Variants in WDR7 observed in about 807,000 individuals in gnomAD.
WDR7 encodes WD repeat-containing protein 7.
Under a neutral mutation model 169.4 loss-of-function variants are expected in WDR7, and 46 were observed. That is an observed-to-expected ratio of 0.27 (90% confidence interval 0.21 to 0.35). The LOEUF (loss-of-function observed/expected upper bound fraction) is 0.35. Among genes scored for constraint, WDR7 ranks in the 10% least tolerant of loss-of-function variants. The probability of loss-of-function intolerance (pLI) is 1.00; values close to 1 mark genes in which losing one functional copy is unlikely to be tolerated. For synonymous variants in WDR7, 612 were observed against 666.8 expected (o/e 0.92, Z 1.27); for missense variants, 1,534 against 1,859.3 (o/e 0.83, Z 3.22).
At chr18:56,728,029 C>T (rs141125185) in intron 13 of WDR7, among the ~76,000 whole-genome samples, 4 of 152,244 alleles carry the variant, frequency 2.6e-5, no homozygotes, top group East Asian at 3.9e-4. Context: ...TCTGGCCAGT[C>T]GTTTTATAAA....
At chr18:56,838,635 A>G (rs552897707) in intron 20 of WDR7, among the ~76,000 whole-genome samples, 17 of 152,304 alleles carry the variant, frequency 1.1e-4, no homozygotes, top group Admixed American at 9.1e-4. Flanking sequence ...TTTGCTGTAT[A>G]TACTCAAAGC....
At chr18:56,728,395 T>C (rs1221247960) in intron 13 of WDR7, among the ~76,000 whole-genome samples, 3 of 152,236 alleles carry the variant, frequency 2.0e-5, no homozygotes, top group Non-Finnish European at 4.4e-5. Context: ...TTGGATTTGG[T>C]CAGTGGGAGT....
At chr18:56,745,295 T>G (rs75179223) in intron 14 of WDR7, among the ~76,000 whole-genome samples, 1 of 152,172 alleles carries the variant, frequency 6.6e-6, no homozygotes, top group Non-Finnish European at 1.5e-5. Flanking sequence ...TATGTGACAC[T>G]GTCCAGTGTT....
Position 57,018,439 on chromosome 18 carries a change from A to G in WDR7, c.4165-2306A>G, listed in dbSNP as rs78714577. Among the ~76,000 whole-genome samples, 1,253 of 152,358 alleles carry G rather than the reference A, an allele frequency of 8.2e-3. 16 individuals carry two copies. Among genetic ancestry groups the G allele is most frequent in the African/African-American group, 0.029 (1,192 of 41,572 alleles). ...ATAAGTGAGCTGGGCAGCCTGGTAC[A>G]CAGGTCTTCTTTTGTGTCAGTGCTG... is the stretch of plus-strand genomic sequence containing the variant. On this transcript the variant is annotated intron_variant, in intron 26 of 27. Transcript: ENST00000254442.
At chr18:56,837,192 TGAAC>T (rs2045409507) in intron 20 of WDR7, among the ~76,000 whole-genome samples, 1 of 152,226 alleles carries the variant, frequency 6.6e-6, no homozygotes, top group Non-Finnish European at 1.5e-5. Flanking sequence ...TGAGAAAGGA[TGAAC>T]ACACAAAACT....
chr18:56,971,687 G>A (rs566099271), intron 26 of WDR7, among the ~76,000 whole-genome samples: 69 of 152,228 alleles, frequency 4.5e-4, no homozygotes, highest in Non-Finnish European at 8.4e-4. Context: ...TTAACAATTA[G>A]GAGTTAGGCA....
At chr18:56,667,806 A>T (rs1295165869) in intron 1 of WDR7, among the ~76,000 whole-genome samples, 1 of 152,160 alleles carries the variant, frequency 6.6e-6, no homozygotes, top group African/African-American at 2.4e-5. Flanking sequence ...TCATATCAGT[A>T]TTATTATTAG....
At chr18:56,678,395 T>C (rs1333065764) in intron 2 of WDR7, among the ~76,000 whole-genome samples, 1 of 152,246 alleles carries the variant, frequency 6.6e-6, no homozygotes, top group African/African-American at 2.4e-5. Context: ...CTGTCTGGAC[T>C]TGTTTGTACC....
At chr18:56,944,465 A>G (rs777253801) in intron 25 of WDR7, among the ~76,000 whole-genome samples, 7 of 152,208 alleles carry the variant, frequency 4.6e-5, no homozygotes, top group Non-Finnish European at 8.8e-5. Flanking sequence ...TAATGACTTA[A>G]TATATAATTT....
Position 56,929,947 on chromosome 18 carries a change from G to A in WDR7, c.3713+5839G>A, listed in dbSNP as rs73958710. Reference sequence around the variant, plus strand: ...GAGCAGAAAAATTCTGCTGCTCTTGGAAGCCTAGACTTCCATCTCTCTAAG... The same window carrying A: ...GAGCAGAAAAATTCTGCTGCTCTTGAAAGCCTAGACTTCCATCTCTCTAAG... On this transcript the variant is annotated intron_variant, in intron 22 of 27. Coordinates refer to ENST00000254442, the MANE Select transcript of WDR7 (RefSeq NM_015285.3). Among the ~76,000 whole-genome samples the A allele has an allele frequency of 4.9e-3, 741 of 152,274 alleles. 10 individuals are homozygous for A. Among genetic ancestry groups the A allele is most frequent in the African/African-American group, 0.017 (710 of 41,546 alleles).
chr18:56,677,852 CT>C (rs1485693776), intron 2 of WDR7, among the ~76,000 whole-genome samples: 1 of 152,138 alleles, frequency 6.6e-6, no homozygotes, highest in Non-Finnish European at 1.5e-5. Flanking sequence ...CTTTCTACCC[CT>C]ATCTCCTTCT....
At position 56,672,509 on chromosome 18, in the gene WDR7, A is replaced by G; in HGVS notation, c.-7A>G. ...ATAACATTTTCAGGTTTGAAAACACAAACACAATGGCAGGAAACAGCCTTG... is the reference window on the plus strand; with the variant it reads ...ATAACATTTTCAGGTTTGAAAACACGAACACAATGGCAGGAAACAGCCTTG... On this transcript the variant is annotated 5_prime_UTR_variant, in exon 2 of 28. Coordinates refer to ENST00000254442, the MANE Select transcript of WDR7 (RefSeq NM_015285.3). 6.5e-7 allele frequency: 1 copy of G among 1,532,950 alleles called. No individual in the cohort carries two copies. Among genetic ancestry groups the G allele is most frequent in the East Asian group, 2.4e-5 (1 of 42,332 alleles). 95.0% of individuals were successfully genotyped at this position (1,532,950 alleles called of 1,614,324 possible). A position where few individuals can be genotyped will look rare whatever the true frequency, so the allele number is the denominator to read the frequency against.
At chr18:56,735,443 T>A (rs1232963040) in intron 14 of WDR7, among the ~76,000 whole-genome samples, 1 of 152,124 alleles carries the variant, frequency 6.6e-6, no homozygotes, top group Admixed American at 6.6e-5. Flanking sequence ...AAAATACCTT[T>A]GAGAAATAAG....
In WDR7 at chr18:56,837,960, C is replaced by T. The variant is rs181068606; in HGVS notation, c.3304+21816C>T. ...AAGAACATTAAGAGCTGACCTACTACTATTCCATAACTAAGATGGGTACAT... is the reference window on the plus strand; with the variant it reads ...AAGAACATTAAGAGCTGACCTACTATTATTCCATAACTAAGATGGGTACAT... On this transcript the variant is annotated intron_variant, in intron 20 of 27. Coordinates refer to ENST00000254442, the MANE Select transcript of WDR7 (RefSeq NM_015285.3). Among the ~76,000 whole-genome samples, 43 of 152,304 alleles carry T rather than the reference C, an allele frequency of 2.8e-4. No homozygotes were observed. In the East Asian group the frequency reaches 8.1e-3, roughly 29 times the overall value.
chr18:56,995,721 C>T (rs575780917), intron 26 of WDR7, among the ~76,000 whole-genome samples: 1 of 152,308 alleles, frequency 6.6e-6, no homozygotes, highest in African/African-American at 2.4e-5. Context: ...CTAGAACCCA[C>T]AGGGATCCTC....
chr18:56,849,477 T>C (rs1403418973), intron 20 of WDR7, among the ~76,000 whole-genome samples: 1 of 152,218 alleles, frequency 6.6e-6, no homozygotes, highest in Admixed American at 6.5e-5. Flanking sequence ...TGATTACTGA[T>C]TGCTACTAAA....
chr18:57,020,925 C>G (rs1242583020), intron 27 of WDR7, 76 bp downstream of exon 27: 1 of 1,363,194 alleles, frequency 7.3e-7, no homozygotes. Flanking sequence ...CCTGTTGAGC[C>G]TACCTGCCGG....
chr18:56,922,869 T>C (rs1198427120), intron 21 of WDR7, among the ~76,000 whole-genome samples: 2 of 152,200 alleles, frequency 1.3e-5, no homozygotes, highest in East Asian at 3.8e-4. Flanking sequence ...TGGTTGGATA[T>C]GTTGTATTAA....
intron 26 of WDR7, among the ~76,000 whole-genome samples, chr18:56,980,702 G>A (rs961404914): frequency 1.3e-5 from 2 of 152,232 alleles, no homozygotes; most frequent in African/African-American, 4.8e-5. Context: ...CTAACTCAAA[G>A]CTATGTGTAA....
Sources: allele counts gnomAD v4.1 joint callset (sites outside exome capture counted in the v4.1 genomes callset), GRCh38; gene constraint gnomAD v4.1.1; transcripts MANE v1.5; gene names NCBI Gene and HGNC (gene_info 2026-07-23, HGNC 2026-07-21).